Variants in GRM7 observed in about 807,000 individuals in gnomAD.
GRM7 encodes the protein glutamate metabotropic receptor 7.
GRM7 carries 35 observed loss-of-function variants against 84.5 expected under a neutral mutation model. The observed-to-expected ratio is 0.41, with a 90% CI of 0.32 to 0.55. The LOEUF is 0.55. GRM7 is among the 20% of genes least tolerant of loss of function. GRM7 has a pLI of 0.19. For missense variants in GRM7, 1,003 were observed against 1,194.6 expected, an observed-to-expected ratio of 0.84 and a Z score of 2.36; for synonymous variants, 487 against 455.1, an observed-to-expected ratio of 1.07 and a Z score of -0.89.
intron 1 of GRM7, among the ~76,000 whole-genome samples, chr3:7,075,230 G>A (rs947057237): frequency 6.6e-6 from 1 of 152,144 alleles, no homozygotes; most frequent in African/African-American, 2.4e-5. Context: ...CACTCAGAGG[G>A]TTACAACTGT....
intron 1 of GRM7, among the ~76,000 whole-genome samples, chr3:7,130,308 C>A (rs1693548386): frequency 6.6e-6 from 1 of 152,004 alleles, no homozygotes; most frequent in Admixed American, 6.6e-5. Flanking sequence ...CTTTGGGAGA[C>A]CGAGGTGGGC....
chr3:7,619,391 A>C (rs1376444285), intron 8 of GRM7, among the ~76,000 whole-genome samples: 2 of 152,060 alleles, frequency 1.3e-5, no homozygotes, highest in East Asian at 3.9e-4. Context: ...CTTACAAGTT[A>C]AGGAGAAATG....
chr3:7,526,347 T>G (rs774977730), intron 7 of GRM7, among the ~76,000 whole-genome samples: 14 of 152,036 alleles, frequency 9.2e-5, no homozygotes, highest in Non-Finnish European at 2.1e-4. Context: ...TGCCTTCTTT[T>G]AAGAAGTGTC....
intron 1 of GRM7, among the ~76,000 whole-genome samples, chr3:7,020,453 C>G (rs12633316): frequency 0.41 from 62,415 of 152,044 alleles, 13,863 homozygotes; most frequent in South Asian, 0.58. Flanking sequence ...GCAGAACCTG[C>G]TATTTAGAGC....
At chr3:6,895,516 A>T (rs1221092459) in intron 1 of GRM7, among the ~76,000 whole-genome samples, 1 of 152,184 alleles carries the variant, frequency 6.6e-6, no homozygotes, top group Non-Finnish European at 1.5e-5. Flanking sequence ...TTTTCATTTT[A>T]CAAATTAGGA....
intron 4 of GRM7, among the ~76,000 whole-genome samples, chr3:7,366,396 C>A (rs1441817486): frequency 2.6e-5 from 4 of 151,812 alleles, no homozygotes; most frequent in Admixed American, 2.6e-4. Context: ...AAATTATAAT[C>A]ATTGGAAAGT....
chr3:7,071,158 T>C lies in GRM7; in HGVS notation c.520-75294T>C, dbSNP rs147089518. Among the ~76,000 whole-genome samples the C allele has an allele frequency of 6.4e-3, 977 of 152,164 alleles. 9 individuals are homozygous for C. The highest frequency in any genetic ancestry group is 0.034 in the Middle Eastern group (10 of 294). On this transcript the variant is annotated intron_variant, in intron 1 of 9. Coordinates refer to ENST00000357716, the MANE Select transcript of GRM7 (RefSeq NM_000844.4). Reference sequence around the variant, plus strand: ...TCAGGGGATGGTGGCTTTCTTCTGTTTGATTCTTACCTAACCCAATTTTTC... The same window carrying C: ...TCAGGGGATGGTGGCTTTCTTCTGTCTGATTCTTACCTAACCCAATTTTTC...
In GRM7 at chr3:7,151,913, TG is replaced by T. The variant is rs1412236857; in HGVS notation, c.736+5246del. 2.9e-5 allele frequency among the ~76,000 whole-genome samples: 4 copies of T among 136,160 alleles called. No homozygotes were observed. The highest frequency in any genetic ancestry group is 1.3e-4 in the African/African-American group (4 of 30,738). The allele number at this position is 136,160 out of a possible 152,430, so 89.3% of individuals were successfully genotyped here. On this transcript the variant is annotated intron_variant, in intron 2 of 9. Coordinates refer to ENST00000357716, the MANE Select transcript of GRM7 (RefSeq NM_000844.4). This position sits in a 1 kb window ranked among gnomAD's most constrained non-coding sequence, Gnocchi z 4.5. ...TAATACCACCATCTATATTGAATTC[TG>T]TTTTTTTTTTCTTTCTGTCTATGTC... is the stretch of plus-strand genomic sequence containing the variant.
In GRM7 at chr3:6,967,227, C is replaced by G. The variant is rs1032934516; in HGVS notation, c.519+105320C>G. Among the ~76,000 whole-genome samples, 3 of 151,978 alleles carry G rather than the reference C, an allele frequency of 2.0e-5. No individual in the cohort carries two copies. The East Asian group carries it at 5.8e-4, about 29-fold the overall frequency. The stretch of plus-strand genomic sequence containing the variant: ...TTTTGGAGACAGAGTCTGGCTCTGC[C>G]ACCCAGGCTGGAATGCATTGACACA... On this transcript the variant is annotated intron_variant, in intron 1 of 9. Transcript: ENST00000357716.
At chr3:7,183,589 T>C (rs981681203) in intron 2 of GRM7, among the ~76,000 whole-genome samples, 1 of 152,094 alleles carries the variant, frequency 6.6e-6, no homozygotes, top group African/African-American at 2.4e-5. Flanking sequence ...ATCACGCCAC[T>C]GCACTCCAGC....
intron 7 of GRM7, among the ~76,000 whole-genome samples, chr3:7,508,794 T>C (rs1700110968): frequency 6.6e-6 from 1 of 152,178 alleles, no homozygotes; most frequent in African/African-American, 2.4e-5. Context: ...CAGCTCAAGA[T>C]ATTTTTATTT....
chr3:7,024,331 G>A (rs766791893), intron 1 of GRM7, among the ~76,000 whole-genome samples: 4 of 152,206 alleles, frequency 2.6e-5, no homozygotes, highest in Non-Finnish European at 4.4e-5. Context: ...TGAAGGAAAG[G>A]AAATCAGACC....
chr3:7,019,240 C>A (rs530837264), intron 1 of GRM7, among the ~76,000 whole-genome samples: 1 of 152,276 alleles, frequency 6.6e-6, no homozygotes, highest in South Asian at 2.1e-4. Flanking sequence ...CAGCCTCCCC[C>A]ACTATCAACA....
chr3:7,587,455 A>T (rs1344974049), intron 8 of GRM7, among the ~76,000 whole-genome samples: 1 of 152,168 alleles, frequency 6.6e-6, no homozygotes, highest in African/African-American at 2.4e-5. Context: ...TAAAATAGTC[A>T]CATATCTGGG....
chr3:7,381,421 T>C (rs1019663819), intron 4 of GRM7, among the ~76,000 whole-genome samples: 8 of 152,188 alleles, frequency 5.3e-5, no homozygotes, highest in Non-Finnish European at 8.8e-5. Context: ...GGGGGTTACA[T>C]TGGTGAATGA....
At chr3:7,077,032 C>G (rs756288483) in intron 1 of GRM7, among the ~76,000 whole-genome samples, 46 of 152,198 alleles carry the variant, frequency 3.0e-4, no homozygotes, top group Non-Finnish European at 5.0e-4. Context: ...GATACCATCT[C>G]ATGCCAGTTA....
chr3:7,227,016 G>T (rs887502107), intron 2 of GRM7, among the ~76,000 whole-genome samples: 2 of 152,094 alleles, frequency 1.3e-5, no homozygotes, highest in Non-Finnish European at 2.9e-5. Context: ...TTTACTGGAG[G>T]TTAAAAATTA....
At chr3:7,297,767 G>C (rs1411895351) in intron 2 of GRM7, among the ~76,000 whole-genome samples, 1 of 152,104 alleles carries the variant, frequency 6.6e-6, no homozygotes, top group Non-Finnish European at 1.5e-5. Context: ...CTGCCCCTGG[G>C]TCTTGTGCCC....
At chr3:7,383,080 C>G (rs1694652425) in intron 4 of GRM7, among the ~76,000 whole-genome samples, 1 of 152,224 alleles carries the variant, frequency 6.6e-6, no homozygotes, top group Non-Finnish European at 1.5e-5. Context: ...GATCCACACT[C>G]TAGCCCCCAC....
Sources: gnomAD v4.1 joint callset for allele counts (sites outside exome capture counted in the v4.1 genomes callset) on GRCh38, gnomAD v4.1.1 for gene constraint, Gnocchi (gnomAD v3.1) non-coding constraint, MANE v1.5 for transcripts, NCBI Gene and HGNC (gene_info 2026-07-23, HGNC 2026-07-21) for gene names.